The following ATXN7L1 variants were observed in gnomAD, a reference collection of about 807,000 sequenced individuals.
The protein encoded by ATXN7L1 is ataxin 7 like 1, also known as ataxin-7-like protein 1.
ATXN7L1 carries 15 observed loss-of-function variants against 70.8 expected under a neutral mutation model. That is an observed-to-expected ratio of 0.21 (90% confidence interval 0.14 to 0.33). The LOEUF (loss-of-function observed/expected upper bound fraction) is 0.33, where lower values mean the gene tolerates loss of function less well. ATXN7L1 is among the 10% of genes least tolerant of loss of function. The pLI is 1.00. For synonymous variants in ATXN7L1, 440 were observed against 445.1 expected (o/e 0.99, Z 0.14); for missense variants, 975 against 1,097.1 (o/e 0.89, Z 1.57).
intron 3 of ATXN7L1, among the ~76,000 whole-genome samples, chr7:105,727,898 C>G (rs1796101615): frequency 6.7e-6 from 1 of 149,968 alleles, no homozygotes; most frequent in Admixed American, 6.7e-5. Context: ...AGACACATCC[C>G]AGACTAACAA....
chr7:105,675,695 T>C (rs1484654958), intron 3 of ATXN7L1, among the ~76,000 whole-genome samples: 1 of 152,014 alleles, frequency 6.6e-6, no homozygotes, highest in East Asian at 1.9e-4. Flanking sequence ...ATAAGATGCA[T>C]TGCTTAATAG....
chr7:105,680,876 G>A (rs1805459090), intron 3 of ATXN7L1, among the ~76,000 whole-genome samples: 1 of 152,220 alleles, frequency 6.6e-6, no homozygotes, highest in African/African-American at 2.4e-5. Flanking sequence ...GATGGGAACA[G>A]CTACTCTTGG....
chr7:105,732,801 C>T (rs1172174858), intron 3 of ATXN7L1, among the ~76,000 whole-genome samples: 1 of 152,186 alleles, frequency 6.6e-6, no homozygotes, highest in African/African-American at 2.4e-5. Context: ...TCGTTTACTT[C>T]CCCCTCCAGT....
intron 3 of ATXN7L1, among the ~76,000 whole-genome samples, chr7:105,738,685 C>T (rs778739459): frequency 5.3e-5 from 8 of 152,214 alleles, no homozygotes; most frequent in Non-Finnish European, 8.8e-5. Context: ...AATCCGGCTC[C>T]CTGCTCTCAA....
At position 105,770,429 on chromosome 7, in the gene ATXN7L1, T is replaced by A. The variant is rs191176042; in HGVS notation, c.355+18175A>T. The stretch of plus-strand genomic sequence containing the variant: ...TTCCTGGTTACTACTTAGGAGTGTA[T>A]CTCTATTAAAAGCTTGTCTTAAACA... On this transcript the variant is annotated intron_variant, in intron 3 of 11. Coordinates refer to ENST00000419735, the MANE Select transcript of ATXN7L1 (RefSeq NM_020725.2). 2.0e-5 allele frequency among the ~76,000 whole-genome samples: 3 copies of A among 152,214 alleles called. No homozygotes were observed. In the East Asian group the frequency reaches 5.8e-4, roughly 29 times the overall value.
At chr7:105,872,522 A>G (rs1038976741) in intron 2 of ATXN7L1, among the ~76,000 whole-genome samples, 1 of 152,194 alleles carries the variant, frequency 6.6e-6, no homozygotes, top group African/African-American at 2.4e-5. Flanking sequence ...ATGCTACAAC[A>G]TGGATGAGCT....
intron 3 of ATXN7L1, among the ~76,000 whole-genome samples, chr7:105,773,347 G>C (rs1252644235): frequency 1.3e-5 from 2 of 152,192 alleles, no homozygotes; most frequent in East Asian, 3.8e-4. Flanking sequence ...AGCTGCTCTT[G>C]GTACATTCCC....
In ATXN7L1 at chr7:105,733,644, A is replaced by T. The variant is rs1176228961; in HGVS notation, c.355+54960T>A. Among the ~76,000 whole-genome samples, 117 of 141,218 alleles carry T rather than the reference A, an allele frequency of 8.3e-4. 6 individuals carry two copies. The highest frequency in any genetic ancestry group is 1.3e-3 in the African/African-American group (47 of 36,492). 92.6% of individuals were successfully genotyped at this position (141,218 alleles called of 152,430 possible). A position where few individuals can be genotyped will look rare whatever the true frequency, so the allele number is the denominator to read the frequency against. On this transcript the variant is annotated intron_variant, in intron 3 of 11. Coordinates refer to ENST00000419735, the MANE Select transcript of ATXN7L1 (RefSeq NM_020725.2). ...CATCCATCCATCCACCCATCCATCC[A>T]TCCATCCATCCATCCATCCATCCAT...
chr7:105,754,043 G>A (rs12535963), intron 3 of ATXN7L1, among the ~76,000 whole-genome samples: 36,091 of 152,060 alleles, frequency 0.24, 4,717 homozygotes, highest in African/African-American at 0.32. Flanking sequence ...CCACTGCATG[G>A]GAGTATTGTA....
At chr7:105,609,818 C>T (rs1792993955) in intron 11 of ATXN7L1, among the ~76,000 whole-genome samples, 1 of 152,028 alleles carries the variant, frequency 6.6e-6, no homozygotes, top group African/African-American at 2.4e-5. Flanking sequence ...GTCACCCAGG[C>T]TGGAGTGCAG....
chr7:105,688,808 G>A (rs890047178), intron 3 of ATXN7L1, among the ~76,000 whole-genome samples: 2 of 152,218 alleles, frequency 1.3e-5, no homozygotes, highest in African/African-American at 2.4e-5. Context: ...ACAAGTACAC[G>A]GAGCAGGTGT....
chr7:105,642,660 G>A (rs1242434431), intron 5 of ATXN7L1, among the ~76,000 whole-genome samples, 178 bp downstream of exon 5: 1 of 152,248 alleles, frequency 6.6e-6, no homozygotes, highest in African/African-American at 2.4e-5. Context: ...GCCCGGGGAA[G>A]AAGAGACCTG....
chr7:105,672,528 CTGATTTAAAAAG>C (rs1184966128), intron 3 of ATXN7L1, among the ~76,000 whole-genome samples: 8 of 152,198 alleles, frequency 5.3e-5, no homozygotes, highest in Admixed American at 5.2e-4. Context: ...TTTTAAAAAA[CTGATTTAAAAAG>C]TGATTTAGAA....
rs1793493964 is a variant in ATXN7L1 at position 105,614,204 on chromosome 7, G to A, written c.2130C>T (p.Leu710=). The A allele has an allele frequency of 1.3e-6, 2 of 1,551,748 alleles. No individual in the cohort carries two copies. The highest frequency in any genetic ancestry group is 1.7e-6 in the Non-Finnish European group (2 of 1,147,004). Residue 710 remains leucine (L), a synonymous_variant, in exon 10 of 12, where the codon CTC becomes CTT. Transcript: ENST00000419735. This position sits in a 1 kb window ranked among gnomAD's most constrained non-coding sequence, Gnocchi z 4.3. ...VHNSNNGVSP[L]SAKLEPSGRT... is the part of the protein sequence containing the mutation. ...GTCCTGAGGGCTCCAGTTTGGCACT[G>A]AGTGGGCTCACCCCATTGTTTGAGT...
Position 105,638,415 on chromosome 7 carries a change from A to G in ATXN7L1, c.1140T>C (p.Ser380=). 6.4e-7 allele frequency: 1 copy of G among 1,552,328 alleles called. No homozygotes were observed. Among genetic ancestry groups the G allele is most frequent in the South Asian group, 1.2e-5 (1 of 84,064 alleles). Residue 380 remains serine, a synonymous_variant, in exon 7 of 12, where the codon TCT becomes TCC. Coordinates refer to ENST00000419735, the MANE Select transcript of ATXN7L1 (RefSeq NM_020725.2). ...GGGATGCAACTTTTGGTTCTGGCCC[A>G]GAGCTCCCTGAAGACCCTAGCAGAG... ...QDSLLGSSGS[S]GPEPKVASPA... is the part of the protein sequence containing the mutation.
At chr7:105,737,525 C>T (rs506843) in intron 3 of ATXN7L1, among the ~76,000 whole-genome samples, 2 of 144,842 alleles carry the variant, frequency 1.4e-5, no homozygotes, top group Non-Finnish European at 3.1e-5. Context: ...CTACTAACGT[C>T]CCCGTGTGTG....
At chr7:105,658,068 A>G (rs958350892) in intron 4 of ATXN7L1, among the ~76,000 whole-genome samples, 3 of 152,200 alleles carry the variant, frequency 2.0e-5, no homozygotes, top group African/African-American at 7.2e-5. Flanking sequence ...TGAATATATT[A>G]GGTTAAAGAA....
chr7:105,865,871 C>A (rs1371346816), intron 2 of ATXN7L1, among the ~76,000 whole-genome samples: 1 of 152,126 alleles, frequency 6.6e-6, no homozygotes, highest in Admixed American at 6.5e-5. Flanking sequence ...CCCCTGAATA[C>A]CCACCATTCT....
At chr7:105,804,786 A>G (rs967547830) in intron 2 of ATXN7L1, among the ~76,000 whole-genome samples, 2 of 152,200 alleles carry the variant, frequency 1.3e-5, no homozygotes, top group Non-Finnish European at 2.9e-5. Flanking sequence ...TTTTATAGAT[A>G]AGGAAATAGA....
Sources: allele counts gnomAD v4.1 joint callset (sites outside exome capture counted in the v4.1 genomes callset), GRCh38; gene constraint gnomAD v4.1.1; non-coding constraint Gnocchi (gnomAD v3.1); transcripts MANE v1.5; gene names NCBI Gene and HGNC (gene_info 2026-07-23, HGNC 2026-07-21).